The following CR1L variants were observed in gnomAD, a reference collection of about 807,000 sequenced individuals.
CR1L encodes complement C3b/C4b receptor 1 like, also known as complement component receptor 1-like protein.
Under a neutral mutation model 62.3 loss-of-function variants are expected in CR1L, and 59 were observed. That is an observed-to-expected ratio of 0.95 (90% CI 0.77 to 1.18). The LOEUF is 1.18. CR1L is among the 50% of genes most tolerant of loss of function. The probability of loss-of-function intolerance (pLI) is 0.00; values close to 1 mark genes in which losing one functional copy is unlikely to be tolerated. For synonymous variants in CR1L, 279 were observed against 248.7 expected (o/e 1.12, Z -1.15); for missense variants, 700 against 702.8 (o/e 1.00, Z 0.04).
In CR1L at chr1:207,652,659, C is replaced by T. The variant is rs183577357; in HGVS notation, c.97+7329C>T. The T allele has an allele frequency of 3.4e-5, 36 of 1,055,168 alleles. No homozygotes were observed. The Middle Eastern group carries it at 6.0e-4, about 18-fold the overall frequency. 65.4% of individuals were successfully genotyped at this position (1,055,168 alleles called of 1,614,324 possible). On this transcript the variant is annotated intron_variant, in intron 1 of 11. Coordinates refer to ENST00000508064, the MANE Select transcript of CR1L (RefSeq NM_175710.2). ...ATAAGTGTAAAAAAGGACACTTCTA[C>T]GTACCTCCTCTTGCCACCCATACTA...
At chr1:207,654,425 A>C (rs1444684342) in intron 1 of CR1L, among the ~76,000 whole-genome samples, 1 of 152,226 alleles carries the variant, frequency 6.6e-6, no homozygotes, top group Non-Finnish European at 1.5e-5. Context: ...TTGAGAAACA[A>C]TATATACTGA....
chr1:207,653,555 T>TATCC (rs1318792155), intron 1 of CR1L, among the ~76,000 whole-genome samples: 1 of 152,226 alleles, frequency 6.6e-6, no homozygotes, highest in African/African-American at 2.4e-5. Flanking sequence ...AATATGCTTG[T>TATCC]ATCCAGATGA....
intron 10 of CR1L, among the ~76,000 whole-genome samples, chr1:207,711,047 A>G (rs1460530889): frequency 6.6e-6 from 1 of 152,250 alleles, no homozygotes; most frequent in African/African-American, 2.4e-5. Flanking sequence ...GCAAAGTACC[A>G]GCTGCAATCT....
chr1:207,655,320 C>A, intron 1 of CR1L: 2 of 471,558 alleles, frequency 4.2e-6, no homozygotes, highest in South Asian at 4.7e-5. Context: ...GACCAGTAGT[C>A]CTCAAAGATT....
intron 1 of CR1L, among the ~76,000 whole-genome samples, chr1:207,648,450 A>G (rs1663170128): frequency 6.6e-6 from 1 of 152,232 alleles, no homozygotes; most frequent in Admixed American, 6.5e-5. Flanking sequence ...GAGAGAATAC[A>G]TGAATTAAAA....
rs1663104659 is a variant in CR1L at position 207,645,408 on chromosome 1, C to A, written c.97+78C>A. 6 of 1,487,710 alleles carry A rather than the reference C, an allele frequency of 4.0e-6. No homozygotes were observed. The East Asian group carries it at 1.1e-4, about 28-fold the overall frequency. The allele number at this position is 1,487,710 out of a possible 1,614,324, so 92.2% of individuals were successfully genotyped here. A position where few individuals can be genotyped will look rare whatever the true frequency, so the allele number is the denominator to read the frequency against. On this transcript the variant is annotated intron_variant, in intron 1 of 11. Coordinates refer to ENST00000508064, the MANE Select transcript of CR1L (RefSeq NM_175710.2). Reference sequence around the variant, plus strand: ...AGTCAGTCGGGCAGGAGGCGCGGGGCGAAGCTCACTGCACGTCGTGCCTGC... The same window carrying A: ...AGTCAGTCGGGCAGGAGGCGCGGGGAGAAGCTCACTGCACGTCGTGCCTGC...
intron 9 of CR1L, among the ~76,000 whole-genome samples, chr1:207,703,625 C>T (rs1250152356): frequency 6.6e-6 from 1 of 152,244 alleles, no homozygotes; most frequent in Non-Finnish European, 1.5e-5. Flanking sequence ...AGCCATTCTG[C>T]AGCCCATGGC....
At chr1:207,703,338 C>T (rs1490576991) in intron 9 of CR1L, among the ~76,000 whole-genome samples, 2 of 152,162 alleles carry the variant, frequency 1.3e-5, no homozygotes, top group Non-Finnish European at 2.9e-5. Flanking sequence ...GAAGCCAATG[C>T]TCACTGACCA....
intron 3 of CR1L, among the ~76,000 whole-genome samples, chr1:207,682,753 A>C (rs1397644018): frequency 6.6e-6 from 1 of 152,184 alleles, no homozygotes; most frequent in Non-Finnish European, 1.5e-5. Context: ...TACCCTCACT[A>C]TGACTAGTTT....
Position 207,670,865 on chromosome 1 carries a change from CCTAAA to C in CR1L, c.98-6515_98-6511del, listed in dbSNP as rs988196238. On this transcript the variant is annotated intron_variant, in intron 1 of 11. Transcript: ENST00000508064. ...ACAATAACCTCCAAATGTGAAACAG[CCTAAA>C]CTAAACTACCTAGAAATTTTGTTGC... Among the ~76,000 whole-genome samples, 70 of 151,112 alleles carry C rather than the reference CCTAAA, an allele frequency of 4.6e-4. 2 individuals are homozygous for C. The highest frequency in any genetic ancestry group is 1.6e-3 in the African/African-American group (66 of 40,472).
At chr1:207,681,051 T>C (rs978810083) in intron 3 of CR1L, among the ~76,000 whole-genome samples, 1 of 152,234 alleles carries the variant, frequency 6.6e-6, no homozygotes. Context: ...ATTTTCTGAA[T>C]CTCATTATTT....
intron 10 of CR1L, among the ~76,000 whole-genome samples, chr1:207,709,833 A>C (rs891408014): frequency 4.4e-5 from 1 of 22,882 alleles, no homozygotes; most frequent in Non-Finnish European, 8.0e-5. Context: ...ACTCTGTCTC[A>C]AAAAAAAAAA....
chr1:207,702,791 A>G (rs1294759263), intron 9 of CR1L, among the ~76,000 whole-genome samples: 1 of 152,194 alleles, frequency 6.6e-6, no homozygotes, highest in Non-Finnish European at 1.5e-5. Context: ...GCAGAAAAAA[A>G]GCTGGAAGCA....
chr1:207,709,571 C>T (rs1343316380), intron 10 of CR1L, among the ~76,000 whole-genome samples: 1 of 152,160 alleles, frequency 6.6e-6, no homozygotes, highest in East Asian at 1.9e-4. Context: ...CACAGTGGCT[C>T]ACACCTGTAA....
Position 207,645,271 on chromosome 1 carries a change from C to T in CR1L, c.38C>T (p.Ser13Phe). ...PPVRLERPFP[S>F]RRFPGLLLAA... Reference sequence around the variant, plus strand: ...GTCCGTCTCGAGCGTCCCTTTCCTTCCCGGCGCTTTCCTGGGTTGCTTCTG... The same window carrying T: ...GTCCGTCTCGAGCGTCCCTTTCCTTTCCGGCGCTTTCCTGGGTTGCTTCTG... Residue 13 changes from serine (S) to phenylalanine (F), a missense_variant, in exon 1 of 12, where the codon TCC (serine) becomes TTC (phenylalanine). Transcript: ENST00000508064. The T allele has an allele frequency of 6.2e-7, 1 of 1,613,846 alleles. No homozygotes were observed. The highest frequency in any genetic ancestry group is 8.5e-7 in the Non-Finnish European group (1 of 1,180,026).
At chr1:207,714,341 G>C (rs1653927469) in intron 10 of CR1L, among the ~76,000 whole-genome samples, 1 of 152,212 alleles carries the variant, frequency 6.6e-6, no homozygotes, top group Admixed American at 6.5e-5. Flanking sequence ...GGGAAGAGCA[G>C]GTATATGTGA....
At chr1:207,678,417 T>C in intron 3 of CR1L, 120 bp downstream of exon 3, 1 of 813,502 alleles carries the variant, frequency 1.2e-6, no homozygotes, top group Non-Finnish European at 2.0e-6. Flanking sequence ...CTTTAAAGGC[T>C]TCAACACAGG....
chr1:207,654,354 G>C (rs144759006), intron 1 of CR1L, among the ~76,000 whole-genome samples: 38 of 152,240 alleles, frequency 2.5e-4, no homozygotes, highest in African/African-American at 8.2e-4. Context: ...AGCTTGCTAG[G>C]CACTATGAGG....
intron 4 of CR1L, among the ~76,000 whole-genome samples, chr1:207,686,756 C>G (rs1190714090): frequency 6.6e-6 from 1 of 152,116 alleles, no homozygotes; most frequent in Non-Finnish European, 1.5e-5. Context: ...TTTGAGTCCA[C>G]CCCAAATCCA....
Sources: allele counts gnomAD v4.1 joint callset (sites outside exome capture counted in the v4.1 genomes callset), GRCh38; gene constraint gnomAD v4.1.1; transcripts MANE v1.5; gene names NCBI Gene and HGNC (gene_info 2026-07-23, HGNC 2026-07-21).